Variants in DDX10 observed in about 807,000 individuals in gnomAD.
DDX10 encodes the protein DEAD-box helicase 10.
In DDX10, 74 loss-of-function variants were observed where a neutral mutation model predicts 104.3. The observed-to-expected ratio is 0.71, with a 90% CI of 0.59 to 0.86. The LOEUF (loss-of-function observed/expected upper bound fraction) is 0.86, where lower values mean the gene tolerates loss of function less well. Among genes scored for constraint, DDX10 ranks in the 40% least tolerant of loss-of-function variants. The probability of loss-of-function intolerance (pLI) is 0.00; values close to 1 mark genes in which losing one functional copy is unlikely to be tolerated. For synonymous variants in DDX10, 351 were observed against 353.4 expected, an observed-to-expected ratio of 0.99 and a Z score of 0.08; for missense variants, 952 against 1,040.0, an observed-to-expected ratio of 0.92 and a Z score of 1.16.
At chr11:108,727,313 TA>T (rs1168634367) in intron 13 of DDX10, among the ~76,000 whole-genome samples, 2 of 152,064 alleles carry the variant, frequency 1.3e-5, no homozygotes, top group African/African-American at 4.8e-5. Flanking sequence ...TTTAGAAAGT[TA>T]TGATTTCTTT....
At chr11:108,751,622 CAA>C (rs1464952400) in intron 13 of DDX10, among the ~76,000 whole-genome samples, 2 of 152,100 alleles carry the variant, frequency 1.3e-5, no homozygotes, top group Non-Finnish European at 1.5e-5. Flanking sequence ...GGGCCTATGA[CAA>C]GAGGAAGAGG....
chr11:108,702,842 A>G (rs2094270373), intron 9 of DDX10, among the ~76,000 whole-genome samples: 1 of 152,244 alleles, frequency 6.6e-6, no homozygotes, highest in African/African-American at 2.4e-5. Context: ...ATTAGTAACC[A>G]GCTGATTTTA....
intron 13 of DDX10, among the ~76,000 whole-genome samples, chr11:108,807,671 C>G (rs954840449): frequency 6.6e-6 from 1 of 152,120 alleles, no homozygotes. Context: ...GTTGACATGC[C>G]TTCTAGGCCT....
At chr11:108,812,670 A>G (rs1330997518) in intron 13 of DDX10, among the ~76,000 whole-genome samples, 3 of 152,144 alleles carry the variant, frequency 2.0e-5, no homozygotes, top group Non-Finnish European at 4.4e-5. Context: ...TGAAATTGTA[A>G]TAATAAAAAA....
chr11:108,816,354 C>T (rs1250421895), intron 13 of DDX10, among the ~76,000 whole-genome samples: 1 of 152,134 alleles, frequency 6.6e-6, no homozygotes, highest in Non-Finnish European at 1.5e-5. Context: ...TGTTTAATAT[C>T]TCTTGGATAT....
intron 13 of DDX10, among the ~76,000 whole-genome samples, chr11:108,753,594 C>G (rs1048631499): frequency 6.6e-6 from 1 of 151,952 alleles, no homozygotes; most frequent in Non-Finnish European, 1.5e-5. Context: ...ATTCTCTGTT[C>G]ACGAATTCCT....
At chr11:108,723,929 C>A (rs965499349) in intron 13 of DDX10, among the ~76,000 whole-genome samples, 2 of 152,018 alleles carry the variant, frequency 1.3e-5, no homozygotes, top group Non-Finnish European at 2.9e-5. Flanking sequence ...TTGAACAGTT[C>A]TTTTTTAAAG....
At chr11:108,918,047 A>C in intron 17 of DDX10, 29 bp downstream of exon 17, 1 of 1,593,314 alleles carries the variant, frequency 6.3e-7, no homozygotes, top group Non-Finnish European at 8.6e-7. Flanking sequence ...TATGAAATAC[A>C]TACTTAGTAC....
intron 13 of DDX10, among the ~76,000 whole-genome samples, chr11:108,834,120 T>TG (rs1274732736): frequency 6.6e-6 from 1 of 150,560 alleles, no homozygotes; most frequent in Admixed American, 6.6e-5. Flanking sequence ...CAAGCCTGGC[T>TG]AATTTTTTTT....
At chr11:108,909,186 C>T (rs1265006101) in intron 16 of DDX10, among the ~76,000 whole-genome samples, 1 of 152,230 alleles carries the variant, frequency 6.6e-6, no homozygotes, top group Non-Finnish European at 1.5e-5. Flanking sequence ...GCCCTATTCC[C>T]CCCACCTCCC....
At chr11:108,862,020 C>T (rs544387851) in intron 16 of DDX10, among the ~76,000 whole-genome samples, 1 of 152,136 alleles carries the variant, frequency 6.6e-6, no homozygotes, top group East Asian at 1.9e-4. Context: ...CTCTCTCTCT[C>T]CCTTTCATCA....
At chr11:108,701,675 CTTTTTT>C (rs55916940) in intron 9 of DDX10, among the ~76,000 whole-genome samples, 65 of 77,422 alleles carry the variant, frequency 8.4e-4, no homozygotes, top group Middle Eastern at 0.015. Context: ...TTCTTCTTCT[CTTTTTT>C]TTTTTTTTTT....
chr11:108,665,249 C>A lies in DDX10; in HGVS notation c.96C>A (p.Asn32Lys). The change falls in exon 1 of 18, where the codon AAC (asparagine) becomes AAA (lysine). Residue 32 changes from asparagine to lysine, a missense_variant. By Grantham distance (94) the Asn-to-Lys change is moderately conservative. Around this residue, in one of 3 missense-constraint regions of DDX10, gnomAD observed 412 missense variants for 479.2 expected, o/e 0.86. Coordinates refer to ENST00000322536, the MANE Select transcript of DDX10 (RefSeq NM_004398.4). ...RWKKKHSHRQNKKKQLRKQLK... is the reference protein window; with the variant it reads ...RWKKKHSHRQKKKKQLRKQLK... ...AGAAAAAACACAGCCATAGGCAGAA[C>A]AAAAAGAAGCAGTTGAGGAAGCAAC... 6.2e-7 allele frequency: 1 copy of A among 1,612,318 alleles called. No individual in the cohort carries two copies. Among genetic ancestry groups the A allele is most frequent in the Non-Finnish European group, 8.5e-7 (1 of 1,179,344 alleles).
rs535981352 is a variant in DDX10 at position 108,890,656 on chromosome 11, C to T, written c.2305-27217C>T. On this transcript the variant is annotated intron_variant, in intron 16 of 17. Coordinates refer to ENST00000322536, the MANE Select transcript of DDX10 (RefSeq NM_004398.4). ...TCATTCATTAAACTACTTTTTTCAA[C>T]GTAATATGATCTTACCCTACAATCC... Among the ~76,000 whole-genome samples, 15 of 151,756 alleles carry T rather than the reference C, an allele frequency of 9.9e-5. No homozygotes were observed. The South Asian group carries it at 1.5e-3, about 15-fold the overall frequency.
rs547452309 is a variant in DDX10 at position 108,814,538 on chromosome 11, A to G, written c.1966-23908A>G. 7.2e-5 allele frequency among the ~76,000 whole-genome samples: 11 copies of G among 152,266 alleles called. No individual in the cohort carries two copies. The South Asian group carries it at 2.3e-3, about 32-fold the overall frequency. ...CCTTTTTTATGCATCATAGATTACCATAGGAGACTGAATGCAATAAAAATG... is the reference window on the plus strand; with the variant it reads ...CCTTTTTTATGCATCATAGATTACCGTAGGAGACTGAATGCAATAAAAATG... On this transcript the variant is annotated intron_variant, in intron 13 of 17. Transcript: ENST00000322536.
intron 16 of DDX10, among the ~76,000 whole-genome samples, chr11:108,898,414 C>G (rs773558445): frequency 1.3e-5 from 2 of 152,012 alleles, no homozygotes; most frequent in Non-Finnish European, 2.9e-5. Context: ...AAAATCATGT[C>G]CCCTAGAGGG....
Position 108,665,140 on chromosome 11 carries a change from C to T in DDX10, c.-14C>T, listed in dbSNP as rs1236215845. On this transcript the variant is annotated 5_prime_UTR_variant, in exon 1 of 18. Transcript: ENST00000322536. ...TGTCTGGGGTTGATCCGAGCTGTCG[C>T]CGCCGCCGCCGCAATGGGCAAAACG... The T allele has an allele frequency of 1.3e-6, 2 of 1,578,114 alleles. No homozygotes were observed. Among genetic ancestry groups the T allele is most frequent in the South Asian group, 2.3e-5 (2 of 85,714 alleles).
chr11:108,832,570 C>T (rs7342253), intron 13 of DDX10, among the ~76,000 whole-genome samples: 6,302 of 152,190 alleles, frequency 0.041, 360 homozygotes, highest in African/African-American at 0.13. Flanking sequence ...TTCTGTCATA[C>T]GTAAAATAAT....
rs371786026 is a variant in DDX10, at chr11:108,841,281, T to C, written c.2086-34T>C. The C allele has an allele frequency of 5.1e-5, 82 of 1,597,078 alleles. No individual in the cohort carries two copies. The African/African-American group carries it at 8.5e-4, about 17-fold the overall frequency. On this transcript the variant is annotated intron_variant, in intron 14 of 17. Transcript: ENST00000322536. The stretch of plus-strand genomic sequence containing the variant: ...AGTGTCTTTCTGGGGTATTCCCTAC[T>C]TCCTGTTGACACTGACCTTTTTTTT...
Sources: gnomAD v4.1 joint callset for allele counts (sites outside exome capture counted in the v4.1 genomes callset) on GRCh38, gnomAD v4.1.1 for gene constraint, gnomAD v4.1.1 regional missense constraint, MANE v1.5 for transcripts, NCBI Gene and HGNC (gene_info 2026-07-23, HGNC 2026-07-21) for gene names.